RNF214: variants seen among roughly 807,000 people sequenced by gnomAD.
RNF214 encodes ring finger protein 214.
RNF214 carries 25 observed loss-of-function variants against 75.9 expected under a neutral mutation model. The ratio of observed to expected loss-of-function variants is 0.33; its 90% CI spans 0.24 to 0.46. RNF214 has a LOEUF of 0.46. RNF214 is among the 20% of genes least tolerant of loss of function. The pLI is 1.00. For synonymous variants in RNF214, 314 were observed against 308.8 expected (o/e 1.02, Z -0.18); for missense variants, 725 against 857.5 (o/e 0.85, Z 1.93).
intron 11 of RNF214, 41 bp from the exon 12 acceptor site, chr11:117,282,363 A>G (rs761042871): frequency 6.2e-7 from 1 of 1,609,190 alleles, no homozygotes; most frequent in Non-Finnish European, 8.5e-7. Flanking sequence ...CCCCGTGGGT[A>G]TAGCATAGGC....
Sources: allele counts gnomAD v4.1 joint callset, GRCh38; gene constraint gnomAD v4.1.1; transcripts MANE v1.5; gene names NCBI Gene and HGNC (gene_info 2026-07-23, HGNC 2026-07-21).